The following PDZD2 variants were observed in gnomAD, a reference collection of about 807,000 sequenced individuals.
PDZD2 encodes PDZ domain containing 2.
PDZD2 carries 90 observed loss-of-function variants against 220.7 expected under a neutral mutation model. The observed-to-expected ratio is 0.41, with a 90% CI of 0.34 to 0.49. The LOEUF is 0.49. Ranked by LOEUF, PDZD2 falls within the 20% of genes least tolerant of loss-of-function variation. PDZD2 has a pLI of 0.28. For synonymous variants in PDZD2, 1,375 were observed against 1,450.5 expected (o/e 0.95, Z 1.18); for missense variants, 3,174 against 3,608.5 (o/e 0.88, Z 3.08).
intron 6 of PDZD2, among the ~76,000 whole-genome samples, chr5:32,034,434 C>T (rs1394888788): frequency 6.6e-6 from 1 of 150,924 alleles, no homozygotes; most frequent in African/African-American, 2.4e-5. Flanking sequence ...TCTCAGCTCG[C>T]TGGAACCTCT....
chr5:31,856,643 C>T (rs954998648), intron 2 of PDZD2, among the ~76,000 whole-genome samples: 2 of 152,166 alleles, frequency 1.3e-5, no homozygotes, highest in Non-Finnish European at 2.9e-5. Context: ...CGTAGTAGCG[C>T]TTCCCTTGAG....
rs145720390 is a variant in PDZD2, at chr5:31,886,313, C to T, written c.476+86589C>T. ...TGCATTGGGTGAACTCTCAGGCTGG[C>T]AGCGACTCCAAGCTTTGGTTGAGTT... On this transcript the variant is annotated intron_variant, in intron 2 of 24. Transcript: ENST00000438447. 3.5e-3 allele frequency among the ~76,000 whole-genome samples: 539 copies of T among 152,304 alleles called. 1 individual carries two copies. Among genetic ancestry groups the T allele is most frequent in the Middle Eastern group, 0.01 (3 of 294 alleles).
At chr5:31,948,559 A>T (rs1252941713) in intron 2 of PDZD2, among the ~76,000 whole-genome samples, 1 of 152,232 alleles carries the variant, frequency 6.6e-6, no homozygotes, top group Non-Finnish European at 1.5e-5. Context: ...AACCTTAATG[A>T]TCTTAAGTAC....
chr5:32,031,463 C>T (rs1273788452), intron 6 of PDZD2, among the ~76,000 whole-genome samples: 1 of 152,238 alleles, frequency 6.6e-6, no homozygotes, highest in African/African-American at 2.4e-5. Context: ...ATTTCAGGCA[C>T]ATGCCTTTAA....
At chr5:31,914,300 G>A (rs1743482832) in intron 2 of PDZD2, among the ~76,000 whole-genome samples, 1 of 152,244 alleles carries the variant, frequency 6.6e-6, no homozygotes. Flanking sequence ...GGGGGGCTGA[G>A]GCGGGTGGAT....
At chr5:31,658,002 CA>C (rs1745616226) in intron 1 of PDZD2, among the ~76,000 whole-genome samples, 1 of 152,166 alleles carries the variant, frequency 6.6e-6, no homozygotes, top group Non-Finnish European at 1.5e-5. Flanking sequence ...CCCCACCCAA[CA>C]AATTCTCTAC....
chr5:31,829,333 A>ATT lies in PDZD2; in HGVS notation c.476+29622_476+29623dup, dbSNP rs34522826. Among the ~76,000 whole-genome samples, 871 of 145,804 alleles carry ATT rather than the reference A, an allele frequency of 6.0e-3. 4 individuals are homozygous for ATT. Among genetic ancestry groups the ATT allele is most frequent in the South Asian group, 0.011 (51 of 4,548 alleles). On this transcript the variant is annotated intron_variant, in intron 2 of 24. Transcript: ENST00000438447. Reference sequence around the variant, plus strand: ...ATATCAAAAGTATTCAGCTTAGTGAATTTTTTTTTTTTTTGAGACAGTCTT... The same window carrying ATT: ...ATATCAAAAGTATTCAGCTTAGTGAATTTTTTTTTTTTTTTTGAGACAGTCTT...
chr5:31,893,306 C>T (rs990564863), intron 2 of PDZD2, among the ~76,000 whole-genome samples: 3 of 152,128 alleles, frequency 2.0e-5, no homozygotes, highest in African/African-American at 7.2e-5. Flanking sequence ...CGCGGTGGCT[C>T]GTGCCTGTAA....
chr5:32,089,679 C>T lies in PDZD2; in HGVS notation c.6231C>T (p.Asn2077=). ...QPRPTGEKGG[N]IMASDRLERT... is the part of the protein sequence containing the mutation. The stretch of plus-strand genomic sequence containing the variant: ...GGCCGACTGGCGAAAAAGGAGGCAA[C>T]ATAATGGCCAGCGATCGCCTCGAAA... Residue 2077 remains asparagine, a synonymous_variant, in exon 20 of 25, where the codon AAC becomes AAT. Coordinates refer to ENST00000438447, the MANE Select transcript of PDZD2 (RefSeq NM_178140.4). The T allele has an allele frequency of 6.2e-7, 1 of 1,614,220 alleles. No individual in the cohort carries two copies. Among genetic ancestry groups the T allele is most frequent in the Non-Finnish European group, 8.5e-7 (1 of 1,180,052 alleles).
Position 32,027,421 on chromosome 5 carries a change from A to G in PDZD2, c.1408-9810A>G, listed in dbSNP as rs578010862. On this transcript the variant is annotated intron_variant, in intron 6 of 24. Transcript: ENST00000438447. ...ATCACTCTCAATGTGTGTTAAGCCC[A>G]TTCAAATTGTTTGGGGGTGATGAAT... Among the ~76,000 whole-genome samples, 15 of 152,334 alleles carry G rather than the reference A, an allele frequency of 9.8e-5. No homozygotes were observed. The South Asian group carries it at 2.9e-3, about 29-fold the overall frequency.
chr5:32,064,430 A>G (rs1485718028), intron 14 of PDZD2, among the ~76,000 whole-genome samples: 1 of 151,818 alleles, frequency 6.6e-6, no homozygotes, highest in Non-Finnish European at 1.5e-5. Context: ...TTTAGTAGAG[A>G]TGGGGTTTCA....
intron 1 of PDZD2, among the ~76,000 whole-genome samples, chr5:31,684,946 T>G (rs1746791923): frequency 1.3e-5 from 2 of 152,236 alleles, no homozygotes; most frequent in Non-Finnish European, 2.9e-5. Context: ...CTTATTTATT[T>G]ACTTATTTAA....
intron 3 of PDZD2, among the ~76,000 whole-genome samples, chr5:31,985,117 C>CA (rs373205260): frequency 0.58 from 82,999 of 143,178 alleles, 23,664 homozygotes; most frequent in Middle Eastern, 0.64. Flanking sequence ...GGATTAAGGA[C>CA]AAAAAAAAAA....
intron 4 of PDZD2, among the ~76,000 whole-genome samples, chr5:31,998,719 C>T (rs917412834): frequency 3.3e-5 from 5 of 152,204 alleles, no homozygotes; most frequent in Admixed American, 6.5e-5. Flanking sequence ...TTAACACTAA[C>T]GATAGCTGAT....
intron 2 of PDZD2, among the ~76,000 whole-genome samples, chr5:31,943,281 A>G (rs1236867922): frequency 6.6e-6 from 1 of 152,048 alleles, no homozygotes; most frequent in Middle Eastern, 3.2e-3. Context: ...CACAGTTGAC[A>G]CGGCTGTGGG....
At chr5:31,948,904 G>A (rs1042471426) in intron 2 of PDZD2, among the ~76,000 whole-genome samples, 2 of 151,962 alleles carry the variant, frequency 1.3e-5, no homozygotes, top group Non-Finnish European at 1.5e-5. Context: ...TTGAAGACCA[G>A]CCTGGCCAAC....
At chr5:31,694,832 T>C (rs2150130349) in intron 1 of PDZD2, among the ~76,000 whole-genome samples, 1 of 150,358 alleles carries the variant, frequency 6.7e-6, no homozygotes, top group Non-Finnish European at 1.5e-5. Context: ...ATTAAGAAAG[T>C]AAAGGAATAG....
chr5:32,049,240 G>A (rs1738279884), intron 8 of PDZD2, among the ~76,000 whole-genome samples: 1 of 152,148 alleles, frequency 6.6e-6, no homozygotes, highest in South Asian at 2.1e-4. Context: ...CCCTGCATGA[G>A]GGCCGCTCCT....
intron 2 of PDZD2, among the ~76,000 whole-genome samples, chr5:31,887,518 G>A (rs148537660): frequency 6.6e-6 from 1 of 152,236 alleles, no homozygotes; most frequent in Non-Finnish European, 1.5e-5. Context: ...AGGAGAGCTA[G>A]GAGGTTGGCA....
Sources: gnomAD v4.1 joint callset for allele counts (sites outside exome capture counted in the v4.1 genomes callset) on GRCh38, gnomAD v4.1.1 for gene constraint, MANE v1.5 for transcripts, NCBI Gene and HGNC (gene_info 2026-07-23, HGNC 2026-07-21) for gene names.